Variants in USH2A observed in about 807,000 individuals in gnomAD.
The protein encoded by USH2A is Usher syndrome 2A (autosomal recessive, mild).
A neutral mutation model predicts 538.9 loss-of-function variants in USH2A; 443 were observed. The observed-to-expected ratio is 0.82, with a 90% CI of 0.76 to 0.89. The LOEUF is 0.89. Ranked by LOEUF, USH2A falls within the 40% of genes least tolerant of loss-of-function variation. The pLI, the probability that USH2A is intolerant of heterozygous loss-of-function variation, is 0.00. For synonymous variants in USH2A, 2,413 were observed against 2,273.5 expected (o/e 1.06, Z -1.75); for missense variants, 6,633 against 6,324.8 (o/e 1.05, Z -1.65).
At chr1:215,787,607 A>T (rs908980161) in intron 51 of USH2A, among the ~76,000 whole-genome samples, 1 of 152,178 alleles carries the variant, frequency 6.6e-6, no homozygotes, top group African/African-American at 2.4e-5. Context: ...TAATGTGGAG[A>T]TCTACTTTGC....
In USH2A at chr1:215,798,999, C is replaced by T. The variant is rs945683443; in HGVS notation, c.9866G>A (p.Gly3289Asp). The T allele has an allele frequency of 5.6e-6, 9 of 1,614,078 alleles. No homozygotes were observed. Among genetic ancestry groups the T allele is most frequent in the Non-Finnish European group, 7.6e-6 (9 of 1,179,998 alleles). Residue 3289 changes from glycine (G) to aspartate (D), a missense_variant, in exon 50 of 72, where the codon GGC (glycine) becomes GAC (aspartate). Coordinates refer to ENST00000307340, the MANE Select transcript of USH2A (RefSeq NM_206933.4). ...QICCAGRLHD[G>D]HGQKCCGRQI... ...TCTGCCACAGCACTTCTGGCCATGG[C>T]CATCATGAAGCCTCCCAGCACAGCA...
In USH2A at chr1:215,623,093, T is replaced by TAATA. The variant is rs939919929; in HGVS notation, c.*2684_*2687dup. 7.9e-5 allele frequency: 12 copies of TAATA among 152,254 alleles called. No individual in the cohort carries two copies. Among genetic ancestry groups the TAATA allele is most frequent in the African/African-American group, 2.9e-4 (12 of 41,558 alleles). The allele number at this position is 152,254 out of a possible 1,614,324, so 9.4% of individuals were successfully genotyped here. A position where few individuals can be genotyped will look rare whatever the true frequency, so the allele number is the denominator to read the frequency against. On this transcript the variant is annotated 3_prime_UTR_variant, in exon 72 of 72. Transcript: ENST00000307340. ...ACATCAGTATATGGTACCATAACAT[T>TAATA]AATATTTGGGTTCCATTTAGTGGAA...
intron 62 of USH2A, among the ~76,000 whole-genome samples, chr1:215,679,050 G>C (rs1229246697): frequency 6.6e-6 from 1 of 152,182 alleles, no homozygotes; most frequent in African/African-American, 2.4e-5. Flanking sequence ...TTGCCCCAGG[G>C]GGGAGAAGTC....
At chr1:215,699,700 T>A (rs1402688678) in intron 61 of USH2A, among the ~76,000 whole-genome samples, 1 of 152,214 alleles carries the variant, frequency 6.6e-6, no homozygotes, top group Non-Finnish European at 1.5e-5. Context: ...CTTAAGGCAT[T>A]TTTGGGCTAA....
At chr1:215,722,223 A>G (rs1659684966) in intron 61 of USH2A, among the ~76,000 whole-genome samples, 1 of 152,224 alleles carries the variant, frequency 6.6e-6, no homozygotes, top group Non-Finnish European at 1.5e-5. Context: ...CCCAGGAAAT[A>G]TGATAATTAT....
intron 43 of USH2A, among the ~76,000 whole-genome samples, chr1:215,874,113 C>T (rs1388023063): frequency 2.0e-5 from 3 of 152,112 alleles, no homozygotes; most frequent in African/African-American, 4.8e-5. Flanking sequence ...TGAAGGAGGT[C>T]GCCGCCCTCT....
intron 50 of USH2A, among the ~76,000 whole-genome samples, chr1:215,794,030 T>A (rs1662051337): frequency 6.6e-6 from 1 of 152,116 alleles, no homozygotes; most frequent in African/African-American, 2.4e-5. Flanking sequence ...AGGTTTAAAA[T>A]CTATTCAAAG....
At chr1:216,115,537 GTAT>G (rs1351916781) in intron 21 of USH2A, among the ~76,000 whole-genome samples, 1 of 152,138 alleles carries the variant, frequency 6.6e-6, no homozygotes. Flanking sequence ...TAAAATCAGT[GTAT>G]TATTAAAAAG....
At chr1:215,978,585 G>T (rs1667676539) in intron 35 of USH2A, among the ~76,000 whole-genome samples, 1 of 152,148 alleles carries the variant, frequency 6.6e-6, no homozygotes, top group Admixed American at 6.5e-5. Context: ...AGTAAGAAAA[G>T]AGTTAAACAT....
At position 216,298,136 on chromosome 1, in the gene USH2A, A is replaced by T. The variant is rs1207010694; in HGVS notation, c.1645-5766T>A. ...TCTCATTGAAGAATTTGTTTACTCT[A>T]TGGTGGTTTTTATTATTCAAGTTGT... On this transcript the variant is annotated intron_variant, in intron 9 of 71. Coordinates refer to ENST00000307340, the MANE Select transcript of USH2A (RefSeq NM_206933.4). Among the ~76,000 whole-genome samples the T allele has an allele frequency of 3.3e-5, 5 of 152,098 alleles. No homozygotes were observed. In the East Asian group the frequency reaches 9.6e-4, roughly 29 times the overall value.
At position 215,663,274 on chromosome 1, in the gene USH2A, G is replaced by T. The variant is rs184573744; in HGVS notation, c.14133+7698C>A. ...TGAGATCCTGGGGGGATCGGATGGG[G>T]GCATGGACCTACTAAGTAGCAGGCA... On this transcript the variant is annotated intron_variant, in intron 64 of 71. Transcript: ENST00000307340. Among the ~76,000 whole-genome samples the T allele has an allele frequency of 4.6e-5, 7 of 152,188 alleles. No homozygotes were observed. In the East Asian group the frequency reaches 1.4e-3, roughly 29 times the overall value.
intron 32 of USH2A, among the ~76,000 whole-genome samples, chr1:216,005,275 C>A (rs1668366235): frequency 6.6e-6 from 1 of 152,038 alleles, no homozygotes; most frequent in African/African-American, 2.4e-5. Flanking sequence ...TATGAGTGGT[C>A]TTTCTTGATA....
intron 3 of USH2A, among the ~76,000 whole-genome samples, chr1:216,380,666 CTAAT>C (rs1221236652): frequency 6.6e-6 from 1 of 152,016 alleles, no homozygotes; most frequent in Non-Finnish European, 1.5e-5. Flanking sequence ...TTTTCTAAAA[CTAAT>C]TAGAGTACTG....
chr1:216,044,463 C>A (rs1028873260), intron 32 of USH2A, among the ~76,000 whole-genome samples: 4 of 152,038 alleles, frequency 2.6e-5, no homozygotes, highest in Non-Finnish European at 5.9e-5. Flanking sequence ...TCTGAAATAA[C>A]TTCTGTGGTT....
At chr1:216,364,081 C>T (rs1040881387) in intron 4 of USH2A, among the ~76,000 whole-genome samples, 6 of 150,558 alleles carry the variant, frequency 4.0e-5, no homozygotes, top group African/African-American at 1.5e-4. Flanking sequence ...TTTTAATATG[C>T]AGGCATTTTA....
At chr1:216,032,187 A>T (rs1669143696) in intron 32 of USH2A, among the ~76,000 whole-genome samples, 1 of 152,162 alleles carries the variant, frequency 6.6e-6, no homozygotes, top group Admixed American at 6.6e-5. Context: ...AAGTTTAGAG[A>T]CATGCTTTTT....
chr1:215,654,370 C>A (rs187949414), intron 64 of USH2A, among the ~76,000 whole-genome samples: 5 of 152,174 alleles, frequency 3.3e-5, no homozygotes, highest in African/African-American at 1.2e-4. Flanking sequence ...CTCCCTGTGT[C>A]TGATGTTCCC....
chr1:216,005,163 C>T (rs1668364021), intron 32 of USH2A, among the ~76,000 whole-genome samples: 1 of 152,096 alleles, frequency 6.6e-6, no homozygotes, highest in Non-Finnish European at 1.5e-5. Context: ...ACAACAAGTT[C>T]ACACTTCTGG....
In USH2A at chr1:216,034,207, G is replaced by C. The variant is rs753278200; in HGVS notation, c.6325+12224C>G. 4.6e-5 allele frequency among the ~76,000 whole-genome samples: 7 copies of C among 152,156 alleles called. No homozygotes were observed. In the South Asian group the frequency reaches 1.4e-3, roughly 32 times the overall value. On this transcript the variant is annotated intron_variant, in intron 32 of 71. Transcript: ENST00000307340. Reference sequence around the variant, plus strand: ...AGAAAATGAGGAAGAGATCACACCAGAGCTTGAACAGTAATAGGGAAAATT... The same window carrying C: ...AGAAAATGAGGAAGAGATCACACCACAGCTTGAACAGTAATAGGGAAAATT...
Sources: allele counts gnomAD v4.1 joint callset (sites outside exome capture counted in the v4.1 genomes callset), GRCh38; gene constraint gnomAD v4.1.1; transcripts MANE v1.5; gene names NCBI Gene and HGNC (gene_info 2026-07-23, HGNC 2026-07-21).